CABLES1: variants seen among roughly 807,000 people sequenced by gnomAD.
The protein encoded by CABLES1 is CDK5 and ABL1 enzyme substrate 1.
CABLES1 carries 36 observed loss-of-function variants against 57.8 expected under a neutral mutation model. That is an observed-to-expected ratio of 0.62 (90% CI 0.48 to 0.82). The LOEUF is 0.82. CABLES1 is among the 40% of genes least tolerant of loss of function. CABLES1 has a pLI of 0.00. For synonymous variants in CABLES1, 374 were observed against 363.0 expected (o/e 1.03, Z -0.35); for missense variants, 767 against 836.6 (o/e 0.92, Z 1.03).
rs149824230 is a variant in CABLES1 at position 23,159,162 on chromosome 18, G to A, written c.845+22555G>A. Among the ~76,000 whole-genome samples, 424 of 152,238 alleles carry A rather than the reference G, an allele frequency of 2.8e-3. 3 individuals carry two copies. Among genetic ancestry groups the A allele is most frequent in the Non-Finnish European group, 5.0e-3 (337 of 68,010 alleles). On this transcript the variant is annotated intron_variant, in intron 1 of 9. Transcript: ENST00000256925. The stretch of plus-strand genomic sequence containing the variant: ...GTATTTCTAGTAGAGAAAGGGTTTC[G>A]CCATGTTGGCCAGGCTGCTCTCGAA...
chr18:23,249,521 CAG>C (rs976202411), intron 7 of CABLES1, among the ~76,000 whole-genome samples: 1 of 152,232 alleles, frequency 6.6e-6, no homozygotes, highest in African/African-American at 2.4e-5. Flanking sequence ...GACTGTGACT[CAG>C]TGGGGCTGGA....
intron 4 of CABLES1, among the ~76,000 whole-genome samples, chr18:23,233,952 C>T (rs1021493104): frequency 6.6e-6 from 1 of 152,182 alleles, no homozygotes; most frequent in Non-Finnish European, 1.5e-5. Context: ...TGCTGTGGCT[C>T]ACGCCTGTAA....
rs929465579 is a variant in CABLES1, at chr18:23,237,032, A to G, written c.1343-110A>G. 3 of 741,218 alleles carry G rather than the reference A, an allele frequency of 4.0e-6. No individual in the cohort carries two copies. The Admixed American group carries it at 5.8e-5, about 14-fold the overall frequency. 45.9% of individuals were successfully genotyped at this position (741,218 alleles called of 1,614,324 possible). ...GCCGTGACGTTGAGCTAAGTGCCCTAAAGCCAGCCTTTCTTCATTCCAGCT... is the reference window on the plus strand; with the variant it reads ...GCCGTGACGTTGAGCTAAGTGCCCTGAAGCCAGCCTTTCTTCATTCCAGCT... On this transcript the variant is annotated intron_variant, in intron 6 of 9. Coordinates refer to ENST00000256925, the MANE Select transcript of CABLES1 (RefSeq NM_001100619.3).
Position 23,223,450 on chromosome 18 carries a change from C to T in CABLES1, c.1088+9396C>T, listed in dbSNP as rs953121833. On this transcript the variant is annotated intron_variant, in intron 4 of 9. Transcript: ENST00000256925. Reference sequence around the variant, plus strand: ...AAAATTAGCCGGACGTACTGGCAGGCGCCTGAAATCACAGCTACTCGGGAG... The same window carrying T: ...AAAATTAGCCGGACGTACTGGCAGGTGCCTGAAATCACAGCTACTCGGGAG... Among the ~76,000 whole-genome samples, 35 of 151,836 alleles carry T rather than the reference C, an allele frequency of 2.3e-4. 1 individual carries two copies. The highest frequency in any genetic ancestry group is 2.1e-4 in the Non-Finnish European group (14 of 67,956).
chr18:23,209,254 C>T (rs929805184), intron 3 of CABLES1, among the ~76,000 whole-genome samples: 3 of 152,152 alleles, frequency 2.0e-5, no homozygotes, highest in Non-Finnish European at 4.4e-5. Flanking sequence ...GAAATGACTG[C>T]AAAGGAAAAA....
At chr18:23,246,610 C>G (rs574086896) in intron 7 of CABLES1, among the ~76,000 whole-genome samples, 27 of 151,860 alleles carry the variant, frequency 1.8e-4, no homozygotes, top group East Asian at 5.9e-4. Flanking sequence ...CCAGGATGGT[C>G]TCGATCTCCT....
chr18:23,182,022 C>CA (rs1165033949), intron 1 of CABLES1, among the ~76,000 whole-genome samples: 1 of 152,194 alleles, frequency 6.6e-6, no homozygotes, highest in Non-Finnish European at 1.5e-5. Context: ...GCCCAGCGTG[C>CA]AGCCAGGAAG....
intron 3 of CABLES1, among the ~76,000 whole-genome samples, chr18:23,209,550 C>T (rs2047388425): frequency 6.6e-6 from 1 of 152,192 alleles, no homozygotes; most frequent in Non-Finnish European, 1.5e-5. Flanking sequence ...GCTGTGGACA[C>T]CCCTGGGCTG....
At chr18:23,161,643 G>A (rs188283391) in intron 1 of CABLES1, among the ~76,000 whole-genome samples, 1 of 151,210 alleles carries the variant, frequency 6.6e-6, no homozygotes, top group East Asian at 1.9e-4. Context: ...GGGTGCAGTG[G>A]CTCATGCCCG....
At chr18:23,234,438 A>G (rs564310603) in intron 4 of CABLES1, among the ~76,000 whole-genome samples, 170 bp from the exon 5 acceptor site, 1 of 152,348 alleles carries the variant, frequency 6.6e-6, no homozygotes, top group East Asian at 1.9e-4. Context: ...AGTGGTTGCA[A>G]CAAGGCATCA....
At chr18:23,247,102 T>TC (rs1282849869) in intron 7 of CABLES1, among the ~76,000 whole-genome samples, 1 of 152,220 alleles carries the variant, frequency 6.6e-6, no homozygotes. Context: ...GCTGTGGTAA[T>TC]CCCACTGCCG....
intron 7 of CABLES1, among the ~76,000 whole-genome samples, chr18:23,249,478 G>A (rs1308924739): frequency 2.0e-5 from 3 of 152,324 alleles, no homozygotes; most frequent in Non-Finnish European, 2.9e-5. Context: ...TGGAAAACTT[G>A]TCATGGTGCA....
intron 1 of CABLES1, among the ~76,000 whole-genome samples, chr18:23,187,410 C>G (rs1052817826): frequency 2.0e-5 from 3 of 152,158 alleles, no homozygotes; most frequent in Admixed American, 1.3e-4. Context: ...TTTTTTGAGA[C>G]GGAGTCTCGC....
In CABLES1 at chr18:23,135,940, C is replaced by T; in HGVS notation, c.178C>T (p.Arg60Trp). ...CCCCCGGAAGCCGCGCATGGACCCG[C>T]GGCGCCGCCAGGCTGCCCTCTCCTT... ...EPPRKPRMDPRRRQAALSFLT... is the reference protein window; with the variant it reads ...EPPRKPRMDPWRRQAALSFLT... The change falls in exon 1 of 10, where the codon CGG (arginine) becomes TGG (tryptophan). Residue 60 changes from arginine (R) to tryptophan (W), a missense_variant. By Grantham distance (101) the Arg-to-Trp change is moderately radical. Transcript: ENST00000256925. 1.8e-6 allele frequency: 2 copies of T among 1,120,156 alleles called. No homozygotes were observed. The highest frequency in any genetic ancestry group is 2.2e-6 in the Non-Finnish European group (2 of 920,368). 69.4% of individuals were successfully genotyped at this position (1,120,156 alleles called of 1,614,324 possible).
At chr18:23,247,992 C>T (rs1384865916) in intron 7 of CABLES1, among the ~76,000 whole-genome samples, 2 of 152,242 alleles carry the variant, frequency 1.3e-5, no homozygotes, top group Non-Finnish European at 2.9e-5. Flanking sequence ...GCCTCTCTGT[C>T]AGGAAACGGA....
At chr18:23,188,511 TTATCC>T (rs908233211) in intron 1 of CABLES1, among the ~76,000 whole-genome samples, 22 of 150,240 alleles carry the variant, frequency 1.5e-4, no homozygotes, top group African/African-American at 4.7e-4. Flanking sequence ...AGCGCTCAAG[TTATCC>T]TGTATATTAC....
chr18:23,173,579 A>G (rs1568053330), intron 1 of CABLES1, among the ~76,000 whole-genome samples: 1 of 152,302 alleles, frequency 6.6e-6, no homozygotes, highest in East Asian at 1.9e-4. Flanking sequence ...TTTTTTCCCA[A>G]CATATGTTTT....
chr18:23,207,745 T>C (rs2047374622), intron 3 of CABLES1, among the ~76,000 whole-genome samples: 1 of 152,114 alleles, frequency 6.6e-6, no homozygotes, highest in South Asian at 2.1e-4. Flanking sequence ...ATCAGAAATT[T>C]GCCACTCCCT....
At chr18:23,222,380 T>C (rs932491664) in intron 4 of CABLES1, among the ~76,000 whole-genome samples, 4 of 152,028 alleles carry the variant, frequency 2.6e-5, no homozygotes, top group African/African-American at 9.7e-5. Flanking sequence ...GGGTGTGGAT[T>C]GCATCTTAAT....
Sources: gnomAD v4.1 joint callset for allele counts (sites outside exome capture counted in the v4.1 genomes callset) on GRCh38, gnomAD v4.1.1 for gene constraint, MANE v1.5 for transcripts, NCBI Gene and HGNC (gene_info 2026-07-23, HGNC 2026-07-21) for gene names.